The following SEC14L1 variants were observed in gnomAD, a reference collection of about 807,000 sequenced individuals.
The protein encoded by SEC14L1 is SEC14-like protein 1.
In SEC14L1, 48 loss-of-function variants were observed where a neutral mutation model predicts 85.3. That is an observed-to-expected ratio of 0.56 (90% CI 0.45 to 0.72). The LOEUF (loss-of-function observed/expected upper bound fraction) is 0.72. SEC14L1 is among the 30% of genes least tolerant of loss of function. The pLI, the probability that SEC14L1 is intolerant of heterozygous loss-of-function variation, is 0.00. For synonymous variants in SEC14L1, 391 were observed against 355.5 expected, an observed-to-expected ratio of 1.10 and a Z score of -1.12; for missense variants, 682 against 921.4, an observed-to-expected ratio of 0.74 and a Z score of 3.36.
At chr17:77,158,324 A>G (rs916683170) in intron 3 of SEC14L1, among the ~76,000 whole-genome samples, 9 of 152,046 alleles carry the variant, frequency 5.9e-5, no homozygotes, top group East Asian at 1.9e-4. Flanking sequence ...CTCATTCCCC[A>G]TTCTTCCTTT....
chr17:77,148,861 G>A (rs1227139489), intron 3 of SEC14L1, among the ~76,000 whole-genome samples: 1 of 152,152 alleles, frequency 6.6e-6, no homozygotes, highest in Non-Finnish European at 1.5e-5. Context: ...TGCTTTTTTC[G>A]GCAAGGCCAT....
chr17:77,191,488 T>G (rs565231859), intron 5 of SEC14L1, among the ~76,000 whole-genome samples, 176 bp downstream of exon 5: 1 of 152,144 alleles, frequency 6.6e-6, no homozygotes, highest in African/African-American at 2.4e-5. Context: ...TCCTGCAGAG[T>G]GTATTATGTT....
chr17:77,205,826 T>G (rs1234631619), intron 11 of SEC14L1, among the ~76,000 whole-genome samples: 2 of 152,178 alleles, frequency 1.3e-5, no homozygotes. Context: ...TGCTTGCCTC[T>G]CTCTCTGTTG....
At chr17:77,142,134 A>G (rs990728993) in intron 1 of SEC14L1, among the ~76,000 whole-genome samples, 5 of 152,106 alleles carry the variant, frequency 3.3e-5, no homozygotes, top group Admixed American at 2.0e-4. Flanking sequence ...AGGGAAGTCA[A>G]ATGGCTTACT....
In SEC14L1 at chr17:77,157,676, C is replaced by T. The variant is rs892720482; in HGVS notation, c.63+14017C>T. On this transcript the variant is annotated intron_variant, in intron 3 of 16. Transcript: ENST00000436233. ...CTGAGTAGCTGGGATTACAGGCATG[C>T]GCCACCATCCCCGGCTAATTTTTGT... 2.6e-5 allele frequency among the ~76,000 whole-genome samples: 4 copies of T among 152,062 alleles called. No homozygotes were observed. In the South Asian group the frequency reaches 6.2e-4, roughly 24 times the overall value.
Position 77,203,634 on chromosome 17 carries a change from C to T in SEC14L1, c.1074C>T (p.Leu358=), listed in dbSNP as rs145806828. The part of the protein sequence containing the change: ...QMDTKGLVRA[L]GEEALLRYVL... ...ACACCAAAGGCTTGGTGAGAGCGCT[C>T]GGGGAGGAAGCCCTGCTGAGATACG... The change falls in exon 10 of 17, where the codon CTC becomes CTT. Residue 358 remains leucine, a synonymous_variant. Transcript: ENST00000436233. 4.1e-5 allele frequency: 66 copies of T among 1,613,504 alleles called. No individual in the cohort carries two copies. The highest frequency in any genetic ancestry group is 6.7e-5 in the East Asian group (3 of 44,866).
At position 77,216,407 on chromosome 17, in the gene SEC14L1, T is replaced by TAGTAGGTAGGGCTAGTAGGTAGGGC; in HGVS notation, c.*2384_*2385insAGTAGGTAGGGCTAGTAGGTAGGGC. 1 of 482,460 alleles carries TAGTAGGTAGGGCTAGTAGGTAGGGC rather than the reference T, an allele frequency of 2.1e-6. No homozygotes were observed. The highest frequency in any genetic ancestry group is 3.2e-5 in the South Asian group (1 of 31,586). 29.9% of individuals were successfully genotyped at this position (482,460 alleles called of 1,614,324 possible). ...TAGTAGGTAGGGCTAGTAGGTAGGGTTCGTAGGTAGGGTTCGTAGGTAGGG... is the reference window on the plus strand; with the variant it reads ...TAGTAGGTAGGGCTAGTAGGTAGGGTAGTAGGTAGGGCTAGTAGGTAGGGCTCGTAGGTAGGGTTCGTAGGTAGGG... On this transcript the variant is annotated 3_prime_UTR_variant, in exon 17 of 17. Transcript: ENST00000436233.
Position 77,203,656 on chromosome 17 carries a change from T to C in SEC14L1, c.1096T>C (p.Tyr366His). 1 of 1,612,398 alleles carries C rather than the reference T, an allele frequency of 6.2e-7. No homozygotes were observed. ...RALGEEALLR[Y>H]VLSINEEGLR... The stretch of plus-strand genomic sequence containing the variant: ...GCTCGGGGAGGAAGCCCTGCTGAGA[T>C]ACGTAAGTGCGCGGCTGCGAGACTC... The change falls in exon 10 of 17, where the codon TAC becomes CAC. Residue 366 changes from tyrosine to histidine, a missense_variant and splice_region_variant. Physicochemically the swap from Tyr to His is moderately conservative, Grantham distance 83. This residue lies in a region of SEC14L1 where 420 missense variants were observed against 619.5 expected (regional missense o/e 0.68). Transcript: ENST00000436233.
chr17:77,157,121 GT>G (rs1369459400), intron 3 of SEC14L1, among the ~76,000 whole-genome samples: 2 of 152,072 alleles, frequency 1.3e-5, no homozygotes, highest in African/African-American at 4.8e-5. Flanking sequence ...CAAAATGTGT[GT>G]GTTTCTTTTC....
intron 3 of SEC14L1, among the ~76,000 whole-genome samples, chr17:77,100,264 C>G (rs1971737579): frequency 1.3e-5 from 2 of 152,240 alleles, no homozygotes; most frequent in Admixed American, 6.5e-5. Context: ...CCTCCGAGCA[C>G]TGTGGTCATC....
intron 3 of SEC14L1, among the ~76,000 whole-genome samples, chr17:77,155,302 C>G (rs1022937074): frequency 1.3e-5 from 2 of 152,050 alleles, no homozygotes; most frequent in African/African-American, 4.8e-5. Context: ...AAACACACAC[C>G]CCAACAGAAA....
At chr17:77,137,625 C>A (rs1316895125), upstream of SEC14L1, among the ~76,000 whole-genome samples, 4 of 152,198 alleles carry the variant, frequency 2.6e-5, no homozygotes, top group Non-Finnish European at 5.9e-5. Context: ...AATAAGACCA[C>A]CTGCATCCAC....
chr17:77,152,025 G>C (rs1389968758), intron 3 of SEC14L1, among the ~76,000 whole-genome samples: 1 of 152,042 alleles, frequency 6.6e-6, no homozygotes. Flanking sequence ...ACCTAGGCTG[G>C]AGTGTAGTGG....
At chr17:77,125,339 A>C (rs1017854930) in intron 3 of SEC14L1, among the ~76,000 whole-genome samples, 1 of 151,686 alleles carries the variant, frequency 6.6e-6, no homozygotes, top group African/African-American at 2.4e-5. Context: ...AGAAAAAAAA[A>C]CTCTTCTTAT....
rs144868880 is a variant in SEC14L1, at chr17:77,099,809, C to G, written c.-136+6462C>G. ...TGAGTCTCCTTCACTAATGTACTGT[C>G]TTTGTTCCAAGATACTTCACCCCTT... is the stretch of plus-strand genomic sequence containing the variant. On this transcript the variant is annotated intron_variant, in intron 3 of 19. Coordinates refer to the SEC14L1 transcript ENST00000392476. 1.2e-3 allele frequency among the ~76,000 whole-genome samples: 177 copies of G among 152,202 alleles called. No individual in the cohort carries two copies. In the Middle Eastern group the frequency reaches 0.027, roughly 23 times the overall value.
chr17:77,107,133 T>C (rs1238014691), intron 3 of SEC14L1, among the ~76,000 whole-genome samples: 1 of 152,178 alleles, frequency 6.6e-6, no homozygotes, highest in Non-Finnish European at 1.5e-5. Context: ...GAGAATCTAA[T>C]TTATTCAGCC....
At chr17:77,158,798 CTTTTTTTTTTTTTTTT>C (rs34186028) in intron 3 of SEC14L1, among the ~76,000 whole-genome samples, 18 of 39,188 alleles carry the variant, frequency 4.6e-4, no homozygotes, top group Non-Finnish European at 3.1e-4. Context: ...GCTTTCTTTC[CTTTTTTTTTTTTTTTT>C]TTTTTTTTTT....
chr17:77,164,363 C>T (rs1974197610), intron 3 of SEC14L1, among the ~76,000 whole-genome samples: 1 of 152,202 alleles, frequency 6.6e-6, no homozygotes, highest in Non-Finnish European at 1.5e-5. Flanking sequence ...GAGGACTGCC[C>T]AATTTGGTCA....
rs1235969918 is a variant in SEC14L1 at position 77,214,730 on chromosome 17, T to C, written c.*707T>C. ...TTCTCTTTCCTCCTTTTCAAATCTT[T>C]TTGATACTTTTTAGAGCAGGATTTT... On this transcript the variant is annotated 3_prime_UTR_variant, in exon 17 of 17. Transcript: ENST00000436233. 3 of 985,338 alleles carry C rather than the reference T, an allele frequency of 3.0e-6. No individual in the cohort carries two copies. The highest frequency in any genetic ancestry group is 3.6e-6 in the Non-Finnish European group (3 of 829,980). The allele number at this position is 985,338 out of a possible 1,614,324, so 61.0% of individuals were successfully genotyped here.
Sources: gnomAD v4.1 joint callset for allele counts (sites outside exome capture counted in the v4.1 genomes callset) on GRCh38, gnomAD v4.1.1 for gene constraint, gnomAD v4.1.1 regional missense constraint, MANE v1.5 for transcripts, NCBI Gene and HGNC (gene_info 2026-07-23, HGNC 2026-07-21) for gene names.